PRUNE2: variants seen among roughly 807,000 people sequenced by gnomAD.
The protein encoded by PRUNE2 is prune homolog 2 with BCH domain.
PRUNE2 carries 164 observed loss-of-function variants against 252.0 expected under a neutral mutation model. That is an observed-to-expected ratio of 0.65 (90% confidence interval 0.57 to 0.74). The LOEUF is 0.74. PRUNE2 is among the 30% of genes least tolerant of loss of function. PRUNE2 has a pLI of 0.00. For missense variants in PRUNE2, 3,495 were observed against 3,711.0 expected, an observed-to-expected ratio of 0.94 and a Z score of 1.51; for synonymous variants, 1,292 against 1,350.2, an observed-to-expected ratio of 0.96 and a Z score of 0.94.
chr9:76,796,756 G>C (rs902044921), intron 6 of PRUNE2, among the ~76,000 whole-genome samples: 4 of 152,168 alleles, frequency 2.6e-5, no homozygotes, highest in African/African-American at 9.7e-5. Flanking sequence ...TAGCAGACCG[G>C]GTAAAGCTGA....
In PRUNE2 at chr9:76,629,279, CT is replaced by C; in HGVS notation, c.9061del (p.Ser3021AlafsTer16). 3 of 1,543,430 alleles carry C rather than the reference CT, an allele frequency of 1.9e-6. No homozygotes were observed. The highest frequency in any genetic ancestry group is 1.8e-6 in the Non-Finnish European group (2 of 1,138,834). ...GCTATTGACATATTTAATTTTACTG[CT>C]GAATTTTGAACTAAAAAAAAAAAAA... is the stretch of plus-strand genomic sequence containing the variant. ...VTRPFISSKF[S>X]SKIKYVNSLS... is the part of the protein sequence containing the mutation. On this transcript the variant is annotated frameshift_variant, in exon 16 of 19. Coordinates refer to ENST00000376718, the MANE Select transcript of PRUNE2 (RefSeq NM_015225.3). LOFTEE classifies it high-confidence loss of function.
intron 1 of PRUNE2, among the ~76,000 whole-genome samples, chr9:76,903,953 T>G (rs547593365): frequency 5.3e-5 from 8 of 152,204 alleles, no homozygotes; most frequent in Non-Finnish European, 8.8e-5. Flanking sequence ...ATTCTTTTTC[T>G]CCAAGAAAAA....
intron 6 of PRUNE2, chr9:76,788,640 T>C (rs987600164): frequency 1.5e-5 from 9 of 613,722 alleles, no homozygotes; most frequent in Non-Finnish European, 2.7e-5. Context: ...CATTTGAAAT[T>C]TGTTCATTAT....
intron 6 of PRUNE2, among the ~76,000 whole-genome samples, chr9:76,781,665 C>G (rs1189884509): frequency 1.3e-5 from 2 of 152,194 alleles, no homozygotes; most frequent in Non-Finnish European, 2.9e-5. Context: ...TGCATGATTA[C>G]TTGTTTAATG....
chr9:76,899,291 A>C (rs1411098023), intron 1 of PRUNE2, among the ~76,000 whole-genome samples: 2 of 152,180 alleles, frequency 1.3e-5, no homozygotes, highest in Non-Finnish European at 2.9e-5. Flanking sequence ...CTCTCCATTC[A>C]TGCTTTAGTT....
intron 6 of PRUNE2, among the ~76,000 whole-genome samples, chr9:76,793,022 A>C (rs375540161): frequency 6.6e-6 from 1 of 152,252 alleles, no homozygotes; most frequent in Non-Finnish European, 1.5e-5. Flanking sequence ...TTAGGGCTAA[A>C]GAATTTGTCC....
Position 76,707,389 on chromosome 9 carries a change from C to T in PRUNE2, c.4885G>A (p.Val1629Ile), listed in dbSNP as rs775798720. Residue 1629 changes from valine to isoleucine, a missense_variant, in exon 8 of 19, where the codon GTT (valine) becomes ATT (isoleucine). Coordinates refer to ENST00000376718, the MANE Select transcript of PRUNE2 (RefSeq NM_015225.3). ...AAAGAGGAAAAGGAATCACCATCAA[C>T]TGAGTCATTCCAGATCTCTAAAAAT... ...PTFLEIWNDS[V>I]DGDSFSSLSS... is the part of the protein sequence containing the mutation. The T allele has an allele frequency of 6.2e-7, 1 of 1,613,902 alleles. No individual in the cohort carries two copies. Among genetic ancestry groups the T allele is most frequent in the East Asian group, 2.2e-5 (1 of 44,878 alleles).
At chr9:76,648,474 A>G (rs1253836660) in intron 11 of PRUNE2, among the ~76,000 whole-genome samples, 4 of 152,226 alleles carry the variant, frequency 2.6e-5, no homozygotes, top group Admixed American at 6.5e-5. Flanking sequence ...ACAATGGAAT[A>G]TTATTCAGCA....
intron 1 of PRUNE2, among the ~76,000 whole-genome samples, chr9:76,882,105 G>A (rs1031352002): frequency 2.0e-5 from 3 of 151,754 alleles, no homozygotes; most frequent in Admixed American, 2.0e-4. Context: ...TGTGATTTCT[G>A]GTAAGAAAAA....
intron 9 of PRUNE2, among the ~76,000 whole-genome samples, chr9:76,661,658 G>A (rs1011261736): frequency 1.3e-5 from 2 of 152,184 alleles, no homozygotes; most frequent in Non-Finnish European, 2.9e-5. Context: ...TAATAATTGA[G>A]AGCCAATGTG....
intron 15 of PRUNE2, among the ~76,000 whole-genome samples, chr9:76,635,773 G>A (rs978762409): frequency 6.6e-6 from 1 of 152,086 alleles, no homozygotes; most frequent in Non-Finnish European, 1.5e-5. Context: ...CCTGATGGTG[G>A]GCAAATTTTA....
Position 76,713,653 on chromosome 9 carries a change from G to A in PRUNE2, c.825C>T (p.Val275=), listed in dbSNP as rs1029256278. 33 of 1,600,916 alleles carry A rather than the reference G, an allele frequency of 2.1e-5. 1 individual carries two copies. In the Middle Eastern group the frequency reaches 6.6e-4, roughly 32 times the overall value. Residue 275 remains valine (V), a synonymous_variant, in exon 7 of 19, where the codon GTC becomes GTT. Transcript: ENST00000376718. ...KAFTDKFGFD[V]LILFSSYLSE... ...ACAGATAGCTGGAGAACAGGATGAG[G>A]ACATCAAAACCAAACTTGTCTGTAA...
Position 76,874,631 on chromosome 9 carries a change from T to C in PRUNE2, c.37-20423A>G, listed in dbSNP as rs73653239. On this transcript the variant is annotated intron_variant, in intron 1 of 18. Transcript: ENST00000376718. ...CCATCGCTCGAGCTTCATTTGGTATTGCTGCTTAATTTAGAATTAACATTT... is the reference window on the plus strand; with the variant it reads ...CCATCGCTCGAGCTTCATTTGGTATCGCTGCTTAATTTAGAATTAACATTT... Among the ~76,000 whole-genome samples the C allele has an allele frequency of 6.9e-3, 1,053 of 152,332 alleles. 13 individuals carry two copies. Among genetic ancestry groups the C allele is most frequent in the African/African-American group, 0.024 (988 of 41,558 alleles).
In PRUNE2 at chr9:76,709,523, A is replaced by C; in HGVS notation, c.2751T>G (p.Asp917Glu). 6.2e-7 allele frequency: 1 copy of C among 1,613,780 alleles called. No homozygotes were observed. The highest frequency in any genetic ancestry group is 8.5e-7 in the Non-Finnish European group (1 of 1,179,850). The change falls in exon 8 of 19, where the codon GAT becomes GAG. Residue 917 changes from aspartate to glutamate, a missense_variant. By Grantham distance (45) the Asp-to-Glu change is conservative. Transcript: ENST00000376718. Reference sequence around the variant, plus strand: ...TATTCTCCTCAAAAAGGTTCCAGGAATCTACCTTTTCATATACCTTGCCCC... The same window carrying C: ...TATTCTCCTCAAAAAGGTTCCAGGACTCTACCTTTTCATATACCTTGCCCC... ...KTRGKVYEKV[D>E]SWNLFEENMK...
chr9:76,827,790 C>T (rs1589434838), intron 4 of PRUNE2, among the ~76,000 whole-genome samples: 1 of 152,168 alleles, frequency 6.6e-6, no homozygotes, highest in Non-Finnish European at 1.5e-5. Flanking sequence ...CCAAGCAAGT[C>T]GTCTGGCCTC....
At chr9:76,631,625 G>A (rs571385522) in intron 15 of PRUNE2, among the ~76,000 whole-genome samples, 1 of 152,312 alleles carries the variant, frequency 6.6e-6, no homozygotes, top group African/African-American at 2.4e-5. Flanking sequence ...GACAGCAATC[G>A]AGCTATGTGA....
At chr9:76,789,948 CA>C (rs2055395645) in intron 6 of PRUNE2, among the ~76,000 whole-genome samples, 1 of 152,152 alleles carries the variant, frequency 6.6e-6, no homozygotes, top group African/African-American at 2.4e-5. Context: ...GATAAATGTG[CA>C]ACCCCCTCTT....
intron 1 of PRUNE2, among the ~76,000 whole-genome samples, chr9:76,860,235 G>A (rs1300720475): frequency 6.6e-6 from 1 of 152,234 alleles, no homozygotes; most frequent in Admixed American, 6.5e-5. Context: ...ATCTGTAGGA[G>A]TAGTTGGGGA....
chr9:76,732,253 G>A (rs1264303877), intron 6 of PRUNE2, among the ~76,000 whole-genome samples: 1 of 152,222 alleles, frequency 6.6e-6, no homozygotes, highest in Admixed American at 6.5e-5. Context: ...CTTGCAGTGA[G>A]CCGAGATAGT....
Sources: allele counts gnomAD v4.1 joint callset (sites outside exome capture counted in the v4.1 genomes callset), GRCh38; gene constraint gnomAD v4.1.1; transcripts MANE v1.5; gene names NCBI Gene and HGNC (gene_info 2026-07-23, HGNC 2026-07-21).